The following FGF10 variants were observed in gnomAD, a reference collection of about 807,000 sequenced individuals.
The protein encoded by FGF10 is FGF-10.
FGF10 carries 2 observed loss-of-function variants against 19.8 expected under a neutral mutation model. The ratio of observed to expected loss-of-function variants is 0.10; its 90% CI spans 0.04 to 0.32. The LOEUF (loss-of-function observed/expected upper bound fraction) is 0.32, where lower values mean the gene tolerates loss of function less well. Among genes scored for constraint, FGF10 ranks in the 10% least tolerant of loss-of-function variants. The probability of loss-of-function intolerance (pLI) is 1.00; values close to 1 mark genes in which losing one functional copy is unlikely to be tolerated. For synonymous variants in FGF10, 112 were observed against 94.0 expected, an observed-to-expected ratio of 1.19 and a Z score of -1.10; for missense variants, 191 against 246.3, an observed-to-expected ratio of 0.78 and a Z score of 1.50.
intron 1 of FGF10, among the ~76,000 whole-genome samples, chr5:44,329,284 C>G (rs1448299190): frequency 6.6e-6 from 1 of 152,148 alleles, no homozygotes; most frequent in Admixed American, 6.5e-5. Context: ...TCAAGTGATT[C>G]TTCTGCCTCA....
At chr5:44,321,694 A>G (rs763470447) in intron 1 of FGF10, among the ~76,000 whole-genome samples, 1 of 152,214 alleles carries the variant, frequency 6.6e-6, no homozygotes, top group Admixed American at 6.5e-5. Context: ...TATCAACCAC[A>G]TTAAAGTACA....
At chr5:44,313,474 C>T (rs775646526) in intron 1 of FGF10, among the ~76,000 whole-genome samples, 7 of 151,794 alleles carry the variant, frequency 4.6e-5, no homozygotes, top group Non-Finnish European at 8.8e-5. Flanking sequence ...AAACTAAATG[C>T]CAGTTAAAAG....
In FGF10 at chr5:44,376,513, A is replaced by AAAAC. The variant is rs1561219523; in HGVS notation, c.325+11844_325+11845insGTTT. ...GCCAAAAAAAAAAAAAAAAAAAAAAAAAAACAAAAAACCCACAACTAGAGC... is the reference window on the plus strand; with the variant it reads ...GCCAAAAAAAAAAAAAAAAAAAAAAAAAACAAAACAAAAAACCCACAACTAGAGC... On this transcript the variant is annotated intron_variant, in intron 1 of 2. Coordinates refer to ENST00000264664, the MANE Select transcript of FGF10 (RefSeq NM_004465.2). Among the ~76,000 whole-genome samples the AAAAC allele has an allele frequency of 1.3e-3, 177 of 135,510 alleles. 3 individuals carry two copies. Among genetic ancestry groups the AAAAC allele is most frequent in the African/African-American group, 4.9e-3 (157 of 32,164 alleles). 88.9% of individuals were successfully genotyped at this position (135,510 alleles called of 152,430 possible).
chr5:44,307,006 A>T (rs573004160), intron 2 of FGF10, among the ~76,000 whole-genome samples: 16 of 152,186 alleles, frequency 1.1e-4, no homozygotes, highest in African/African-American at 3.9e-4. Flanking sequence ...GTTCATTTCA[A>T]TCAATAAATG....
chr5:44,371,835 A>G (rs764996647), intron 1 of FGF10, among the ~76,000 whole-genome samples: 120 of 152,294 alleles, frequency 7.9e-4, no homozygotes, highest in Admixed American at 1.5e-3. Flanking sequence ...TATTTCATTT[A>G]ATCCTCATAG....
intron 1 of FGF10, among the ~76,000 whole-genome samples, chr5:44,319,922 T>C (rs987043877): frequency 2.0e-5 from 3 of 152,078 alleles, no homozygotes; most frequent in African/African-American, 7.2e-5. Context: ...TGGCCGGTGG[T>C]GAGTGAGTGA....
At chr5:44,339,906 C>T (rs1308467740) in intron 1 of FGF10, among the ~76,000 whole-genome samples, 1 of 152,118 alleles carries the variant, frequency 6.6e-6, no homozygotes, top group East Asian at 1.9e-4. Flanking sequence ...TAGAACTTTG[C>T]TCATTTCTCT....
At chr5:44,311,910 C>T (rs1466983875) in intron 1 of FGF10, among the ~76,000 whole-genome samples, 1 of 152,012 alleles carries the variant, frequency 6.6e-6, no homozygotes, top group East Asian at 1.9e-4. Flanking sequence ...TACCTTCTTT[C>T]CTATTCCTTC....
At chr5:44,310,592 A>C in intron 1 of FGF10, 62 bp from the exon 2 acceptor site, 1 of 1,231,042 alleles carries the variant, frequency 8.1e-7, no homozygotes, top group East Asian at 2.5e-5. Flanking sequence ...AAGAAAAGTA[A>C]AATCAAAAGA....
At chr5:44,325,882 A>T (rs76815112) in intron 1 of FGF10, among the ~76,000 whole-genome samples, 21 of 51,718 alleles carry the variant, frequency 4.1e-4, no homozygotes, top group Middle Eastern at 8.9e-3. Flanking sequence ...ACAAAATTTT[A>T]AAAAAAAGAA....
intron 1 of FGF10, among the ~76,000 whole-genome samples, chr5:44,323,017 G>A (rs1395250070): frequency 6.6e-6 from 1 of 151,986 alleles, no homozygotes; most frequent in Non-Finnish European, 1.5e-5. Flanking sequence ...TATAATATTG[G>A]CAATAAAGAT....
rs372238272 is a variant in FGF10 at position 44,334,229 on chromosome 5, C to A, written c.326-23699G>T. Among the ~76,000 whole-genome samples the A allele has an allele frequency of 2.0e-5, 3 of 152,194 alleles. No homozygotes were observed. The East Asian group carries it at 5.8e-4, about 29-fold the overall frequency. The stretch of plus-strand genomic sequence containing the variant: ...ATATAGTGCCCTATCCTTATGTCCA[C>A]AACCTTAGGCCTTGTATCCGTTCCT... On this transcript the variant is annotated intron_variant, in intron 1 of 2. Transcript: ENST00000264664.
At chr5:44,371,442 A>G (rs925564691) in intron 1 of FGF10, among the ~76,000 whole-genome samples, 1 of 152,124 alleles carries the variant, frequency 6.6e-6, no homozygotes, top group Non-Finnish European at 1.5e-5. Context: ...GGCAACACTA[A>G]TTACCCATTT....
At chr5:44,308,168 A>G (rs936502450) in intron 2 of FGF10, among the ~76,000 whole-genome samples, 1 of 152,352 alleles carries the variant, frequency 6.6e-6, no homozygotes, top group South Asian at 2.1e-4. Flanking sequence ...TTTGAATGAA[A>G]TAATTCACAG....
chr5:44,340,837 A>G (rs542770186), intron 1 of FGF10, among the ~76,000 whole-genome samples: 1 of 151,910 alleles, frequency 6.6e-6, no homozygotes, highest in East Asian at 1.9e-4. Context: ...AAAAGAAAAA[A>G]AAAAAAGAAA....
intron 1 of FGF10, among the ~76,000 whole-genome samples, chr5:44,351,495 G>A (rs1741231792): frequency 6.6e-6 from 1 of 151,460 alleles, no homozygotes; most frequent in African/African-American, 2.4e-5. Flanking sequence ...AAATATCTCT[G>A]ACGATTTGAG....
intron 1 of FGF10, among the ~76,000 whole-genome samples, chr5:44,375,256 T>C (rs1361742885): frequency 1.3e-5 from 2 of 152,196 alleles, no homozygotes; most frequent in Non-Finnish European, 2.9e-5. Flanking sequence ...GGAAACTAGA[T>C]GGGTAAACAG....
chr5:44,364,875 G>T (rs965294356), intron 1 of FGF10, among the ~76,000 whole-genome samples: 3 of 151,838 alleles, frequency 2.0e-5, no homozygotes, highest in Non-Finnish European at 2.9e-5. Flanking sequence ...TTTTCACATA[G>T]AATATGTAAA....
Position 44,388,310 on chromosome 5 carries a change from G to T in FGF10, c.325+48C>A, listed in dbSNP as rs758040280. 7 of 1,549,528 alleles carry T rather than the reference G, an allele frequency of 4.5e-6. No homozygotes were observed. In the East Asian group the frequency reaches 1.6e-4, roughly 35 times the overall value. ...GAACAGATTTTTCCCCCCCGTGTGG[G>T]CTGGGGGTGGATAATTGGAAGGAGG... On this transcript the variant is annotated intron_variant, in intron 1 of 2. Transcript: ENST00000264664.
Sources: gnomAD v4.1 joint callset for allele counts (sites outside exome capture counted in the v4.1 genomes callset) on GRCh38, gnomAD v4.1.1 for gene constraint, MANE v1.5 for transcripts, NCBI Gene and HGNC (gene_info 2026-07-23, HGNC 2026-07-21) for gene names.